FSD1L: variants seen among roughly 807,000 people sequenced by gnomAD.
FSD1L encodes the protein fibronectin type III and SPRY domain containing 1 like, also known as FSD1-like protein.
Under a neutral mutation model 71.6 loss-of-function variants are expected in FSD1L, and 45 were observed. The observed-to-expected ratio is 0.63, with a 90% CI of 0.49 to 0.81. The LOEUF is 0.81. Ranked by LOEUF, FSD1L falls within the 30% of genes least tolerant of loss-of-function variation. The pLI is 0.00. For missense variants in FSD1L, 561 were observed against 618.1 expected (o/e 0.91, Z 0.98); for synonymous variants, 197 against 207.2 (o/e 0.95, Z 0.42).
chr9:105,462,348 T>A (rs1830758609), intron 2 of FSD1L, among the ~76,000 whole-genome samples: 1 of 149,946 alleles, frequency 6.7e-6, no homozygotes, highest in African/African-American at 2.5e-5. Flanking sequence ...CCCGAATAGC[T>A]GAGCTGGGAT....
At chr9:105,495,699 G>A (rs147164649) in intron 7 of FSD1L, among the ~76,000 whole-genome samples, 14 of 152,294 alleles carry the variant, frequency 9.2e-5, no homozygotes, top group Admixed American at 2.0e-4. Context: ...TCTTTGGGCC[G>A]GGCGCGGTGG....
chr9:105,448,268 G>T, intron 1 of FSD1L, 33 bp downstream of exon 1: 1 of 1,465,698 alleles, frequency 6.8e-7, no homozygotes, highest in South Asian at 1.2e-5. Flanking sequence ...GGGCTACCGA[G>T]ACAAGCCGGG....
chr9:105,540,280 T>C (rs528835241), intron 13 of FSD1L, among the ~76,000 whole-genome samples: 1 of 152,292 alleles, frequency 6.6e-6, no homozygotes, highest in South Asian at 2.1e-4. Flanking sequence ...GTATATGCTT[T>C]TGTGAACTGG....
chr9:105,512,675 A>C (rs1468949771), intron 9 of FSD1L, 132 bp from the exon 10 acceptor site: 3 of 468,788 alleles, frequency 6.4e-6, no homozygotes, highest in African/African-American at 4.0e-5. Context: ...TGCTAGGATT[A>C]TGAATTTGAA....
intron 10 of FSD1L, chr9:105,524,773 G>T: frequency 6.2e-7 from 1 of 1,603,902 alleles, no homozygotes; most frequent in South Asian, 1.1e-5. Flanking sequence ...ATAGCAGCCC[G>T]CACTGTTATT....
intron 7 of FSD1L, among the ~76,000 whole-genome samples, chr9:105,498,574 A>G (rs554324267): frequency 1.3e-5 from 2 of 152,164 alleles, no homozygotes. Flanking sequence ...TTATGGGACC[A>G]CTTTTGTATA....
At chr9:105,448,570 G>C (rs1335774164) in intron 1 of FSD1L, among the ~76,000 whole-genome samples, 1 of 152,284 alleles carries the variant, frequency 6.6e-6, no homozygotes. Context: ...GACTGCGAGC[G>C]TGCTGGTGGG....
At chr9:105,490,017 C>T (rs978537231) in intron 7 of FSD1L, among the ~76,000 whole-genome samples, 1 of 152,084 alleles carries the variant, frequency 6.6e-6, no homozygotes, top group African/African-American at 2.4e-5. Flanking sequence ...TGGGTATATA[C>T]CCAGTAATGG....
chr9:105,499,360 T>C (rs1444534546), intron 7 of FSD1L, among the ~76,000 whole-genome samples: 1 of 152,202 alleles, frequency 6.6e-6, no homozygotes, highest in Non-Finnish European at 1.5e-5. Context: ...AAAAATAAGT[T>C]TTTATTTTAC....
At chr9:105,454,444 C>T (rs1830240013) in intron 1 of FSD1L, among the ~76,000 whole-genome samples, 1 of 152,162 alleles carries the variant, frequency 6.6e-6, no homozygotes, top group African/African-American at 2.4e-5. Flanking sequence ...CTTAATTATT[C>T]ACTTACAATA....
chr9:105,509,663 G>T (rs1189715231), intron 9 of FSD1L, among the ~76,000 whole-genome samples: 2 of 152,084 alleles, frequency 1.3e-5, no homozygotes, highest in East Asian at 3.8e-4. Flanking sequence ...AAAATATAAG[G>T]CCTATAAGTT....
At chr9:105,507,241 G>C (rs1020657068) in intron 8 of FSD1L, among the ~76,000 whole-genome samples, 2 of 152,016 alleles carry the variant, frequency 1.3e-5, no homozygotes, top group African/African-American at 4.8e-5. Flanking sequence ...CCTGTGACTT[G>C]GTATAACAAT....
rs1165921116 is a variant in FSD1L, at chr9:105,479,377, G to A, written c.464+1G>A. On this transcript the variant is annotated splice_donor_variant, in intron 6 of 13. Transcript: ENST00000481272. LOFTEE classifies it high-confidence loss of function. ...AGGCTGCCAGACAGATCAAGGATAGGTATGGTATAAAACACATTTTTACTT... is the reference window on the plus strand; with the variant it reads ...AGGCTGCCAGACAGATCAAGGATAGATATGGTATAAAACACATTTTTACTT... 1 of 1,549,334 alleles carries A rather than the reference G, an allele frequency of 6.5e-7. No individual in the cohort carries two copies. Among genetic ancestry groups the A allele is most frequent in the East Asian group, 2.4e-5 (1 of 40,826 alleles).
At chr9:105,536,578 T>G (rs1222377855) in intron 12 of FSD1L, among the ~76,000 whole-genome samples, 1 of 152,126 alleles carries the variant, frequency 6.6e-6, no homozygotes, top group Non-Finnish European at 1.5e-5. Context: ...TTTCACGGCA[T>G]TATGTCAAAT....
chr9:105,458,241 A>G (rs552249713), intron 1 of FSD1L, among the ~76,000 whole-genome samples: 32 of 152,286 alleles, frequency 2.1e-4, no homozygotes, highest in Non-Finnish European at 3.4e-4. Flanking sequence ...CTAGGCCCTT[A>G]GAAGTGTTGC....
At chr9:105,525,622 C>G in intron 10 of FSD1L, 3 of 1,612,476 alleles carry the variant, frequency 1.9e-6, no homozygotes, top group Non-Finnish European at 2.5e-6. Flanking sequence ...AAATGAAAAG[C>G]TACTTAGAGA....
chr9:105,474,081 A>G (rs2812309), intron 5 of FSD1L, among the ~76,000 whole-genome samples: 41,910 of 152,060 alleles, frequency 0.28, 6,016 homozygotes, highest in Non-Finnish European at 0.31. Context: ...GAAATGTATC[A>G]TTAGGCAGTT....
intron 7 of FSD1L, among the ~76,000 whole-genome samples, chr9:105,488,823 T>TA (rs2131731496): frequency 6.6e-6 from 1 of 151,472 alleles, no homozygotes; most frequent in South Asian, 2.1e-4. Flanking sequence ...CATTGGGTTT[T>TA]TTTTTTTTTT....
intron 7 of FSD1L, among the ~76,000 whole-genome samples, chr9:105,499,608 T>C (rs138528473): frequency 1.3e-5 from 2 of 152,026 alleles, no homozygotes; most frequent in African/African-American, 4.8e-5. Context: ...TCCTTGTCTT[T>C]GATTTTCTGT....
Sources: allele counts gnomAD v4.1 joint callset (sites outside exome capture counted in the v4.1 genomes callset), GRCh38; gene constraint gnomAD v4.1.1; transcripts MANE v1.5; gene names NCBI Gene and HGNC (gene_info 2026-07-23, HGNC 2026-07-21).